TUSC3: variants seen among roughly 807,000 people sequenced by gnomAD.
TUSC3 encodes tumor suppressor candidate 3, also known as dolichyl-diphosphooligosaccharide--protein glycosyltransferase subunit TUSC3.
A neutral mutation model predicts 44.8 loss-of-function variants in TUSC3; 45 were observed. That is an observed-to-expected ratio of 1.00 (90% CI 0.79 to 1.29). The LOEUF (loss-of-function observed/expected upper bound fraction) is 1.29, where lower values mean the gene tolerates loss of function less well. Ranked by LOEUF, TUSC3 falls within the 50% of genes most tolerant of loss-of-function variation. TUSC3 has a pLI of 0.00. For synonymous variants in TUSC3, 212 were observed against 152.9 expected, an observed-to-expected ratio of 1.39 and a Z score of -2.85; for missense variants, 519 against 437.9, an observed-to-expected ratio of 1.19 and a Z score of -1.65.
intron 10 of TUSC3, among the ~76,000 whole-genome samples, chr8:15,763,846 C>G (rs1294060398): frequency 6.6e-6 from 1 of 152,002 alleles, no homozygotes; most frequent in Non-Finnish European, 1.5e-5. Context: ...ATTCAAATGA[C>G]CCACTTCACG....
chr8:15,720,195 T>TACACAC (rs1466395656), intron 6 of TUSC3, among the ~76,000 whole-genome samples: 32 of 101,466 alleles, frequency 3.2e-4, no homozygotes, highest in African/African-American at 1.4e-3. Flanking sequence ...ATAGTGTATA[T>TACACAC]ATATATACAC....
chr8:15,672,643 G>C (rs1382445557), intron 5 of TUSC3, among the ~76,000 whole-genome samples: 2 of 151,994 alleles, frequency 1.3e-5, no homozygotes, highest in Non-Finnish European at 2.9e-5. Context: ...AGGTTCTTGG[G>C]TAGATACTCC....
At chr8:15,741,037 G>A (rs1042851918) in intron 7 of TUSC3, among the ~76,000 whole-genome samples, 25 of 152,148 alleles carry the variant, frequency 1.6e-4, no homozygotes, top group Non-Finnish European at 2.8e-4. Context: ...TAGTAAAAAT[G>A]ATATGAAGAT....
the TUSC3 span, among the ~76,000 whole-genome samples, chr8:15,822,894 T>G: frequency 3.3e-5 from 5 of 152,132 alleles, no homozygotes; most frequent in Non-Finnish European, 7.4e-5. Flanking sequence ...GGGCAAAAGC[T>G]TGTTTGCAGT....
At chr8:15,694,314 C>T (rs796548696) in intron 6 of TUSC3, among the ~76,000 whole-genome samples, 23 of 151,578 alleles carry the variant, frequency 1.5e-4, no homozygotes, top group South Asian at 4.2e-4. Flanking sequence ...TGGTGGCGTG[C>T]GCCGTTAATC....
chr8:15,501,471 C>T (rs948004121), intron 2 of TUSC3, among the ~76,000 whole-genome samples: 1 of 152,162 alleles, frequency 6.6e-6, no homozygotes, highest in African/African-American at 2.4e-5. Flanking sequence ...ATGCCATATT[C>T]ATCTTAAATC....
the TUSC3 span, among the ~76,000 whole-genome samples, chr8:15,813,769 GT>G: frequency 6.1e-3 from 914 of 149,134 alleles, 5 homozygotes; most frequent in African/African-American, 0.021. Context: ...TGTGAAAGAG[GT>G]TTTTTTTTTA....
chr8:15,563,053 A>G (rs1467877921), intron 1 of TUSC3, among the ~76,000 whole-genome samples: 1 of 152,096 alleles, frequency 6.6e-6, no homozygotes, highest in South Asian at 2.1e-4. Flanking sequence ...TATGCCTACT[A>G]AAGTGGGCAA....
At chr8:15,847,050 G>A in the TUSC3 span, among the ~76,000 whole-genome samples, 1 of 152,074 alleles carries the variant, frequency 6.6e-6, no homozygotes, top group Admixed American at 6.6e-5. Context: ...GTCCATAACA[G>A]CACAGAATAG....
At chr8:15,656,236 C>A (rs1431233114) in intron 3 of TUSC3, among the ~76,000 whole-genome samples, 1 of 152,092 alleles carries the variant, frequency 6.6e-6, no homozygotes, top group East Asian at 1.9e-4. Context: ...AGTCTGAACT[C>A]ATTCTAGTAC....
intron 2 of TUSC3, among the ~76,000 whole-genome samples, chr8:15,635,792 G>A (rs560900097): frequency 1.3e-5 from 2 of 152,284 alleles, no homozygotes; most frequent in South Asian, 4.1e-4. Flanking sequence ...GCTTCTGCAT[G>A]AACTTACAGT....
chr8:15,421,563 A>G (rs75319271), intron 1 of TUSC3, among the ~76,000 whole-genome samples: 2,713 of 152,208 alleles, frequency 0.018, 78 homozygotes, highest in African/African-American at 0.062. Context: ...AAACACTGTA[A>G]AATTTATTTG....
At chr8:15,671,395 C>T (rs569852372) in intron 5 of TUSC3, among the ~76,000 whole-genome samples, 5 of 152,006 alleles carry the variant, frequency 3.3e-5, no homozygotes, top group African/African-American at 1.2e-4. Context: ...GAAATGGTGA[C>T]ATATCAGTTG....
chr8:15,447,269 AAGATCT>A (rs1800118387), intron 1 of TUSC3, among the ~76,000 whole-genome samples: 1 of 152,198 alleles, frequency 6.6e-6, no homozygotes, highest in African/African-American at 2.4e-5. Context: ...TCAGTCGAGC[AAGATCT>A]AAGGAGTTTT....
rs35757466 is a variant in TUSC3, at chr8:15,555,276, A to ATTTTTT, written c.138+14738_138+14743dup. Among the ~76,000 whole-genome samples, 187 of 44,886 alleles carry ATTTTTT rather than the reference A, an allele frequency of 4.2e-3. 36 individuals are homozygous for ATTTTTT. Among genetic ancestry groups the ATTTTTT allele is most frequent in the African/African-American group, 6.1e-3 (56 of 9,140 alleles). 29.4% of individuals were successfully genotyped at this position (44,886 alleles called of 152,430 possible). ...GTTCATGTGCCACCATGCCAGGCTA[A>ATTTTTT]TTTTTTTTTTTTTTTTTTTTTTTTT... On this transcript the variant is annotated intron_variant, in intron 1 of 10. Coordinates refer to ENST00000503731, the MANE Select transcript of TUSC3 (RefSeq NM_006765.4).
chr8:15,596,261 G>C (rs1804061908), intron 1 of TUSC3, among the ~76,000 whole-genome samples: 1 of 152,088 alleles, frequency 6.6e-6, no homozygotes, highest in South Asian at 2.1e-4. Context: ...CTCAGAGAAA[G>C]AAAAATATGC....
intron 1 of TUSC3, among the ~76,000 whole-genome samples, chr8:15,551,009 A>G (rs1398843618): frequency 6.6e-6 from 1 of 151,804 alleles, no homozygotes; most frequent in Non-Finnish European, 1.5e-5. Flanking sequence ...CTAGATAAAT[A>G]AATGTGGATT....
intron 2 of TUSC3, among the ~76,000 whole-genome samples, chr8:15,648,755 A>AAAAAAAAAAAAAC (rs1806749531): frequency 7.1e-6 from 1 of 141,574 alleles, no homozygotes; most frequent in Non-Finnish European, 1.6e-5. Flanking sequence ...AAAAAAAAAA[A>AAAAAAAAAAAAAC]AGACATCTCC....
intron 2 of TUSC3, among the ~76,000 whole-genome samples, chr8:15,636,581 T>A (rs962552521): frequency 2.6e-5 from 4 of 152,218 alleles, no homozygotes; most frequent in Admixed American, 2.6e-4. Context: ...TAGGCATTAG[T>A]CAGCAGAATT....
Sources: allele counts gnomAD v4.1 joint callset (sites outside exome capture counted in the v4.1 genomes callset), GRCh38; gene constraint gnomAD v4.1.1; transcripts MANE v1.5; gene names NCBI Gene and HGNC (gene_info 2026-07-23, HGNC 2026-07-21).